SLC24A2: variants seen among roughly 807,000 people sequenced by gnomAD.
The protein encoded by SLC24A2 is sodium/potassium/calcium exchanger 2.
A neutral mutation model predicts 62.0 loss-of-function variants in SLC24A2; 36 were observed. The observed-to-expected ratio is 0.58, with a 90% confidence interval of 0.44 to 0.77. SLC24A2 has a LOEUF of 0.77. Ranked by LOEUF, SLC24A2 falls within the 30% of genes least tolerant of loss-of-function variation. SLC24A2 has a pLI of 0.00. For synonymous variants in SLC24A2, 358 were observed against 294.0 expected (o/e 1.22, Z -2.23); for missense variants, 846 against 817.9 (o/e 1.03, Z -0.42).
chr9:19,931,173 C>A, the SLC24A2 span, among the ~76,000 whole-genome samples: 3 of 152,144 alleles, frequency 2.0e-5, no homozygotes, highest in Non-Finnish European at 2.9e-5. Flanking sequence ...AGATACAAGA[C>A]CATCCTTCCA....
chr9:19,896,530 A>G, the SLC24A2 span, among the ~76,000 whole-genome samples: 1 of 152,194 alleles, frequency 6.6e-6, no homozygotes, highest in African/African-American at 2.4e-5. Flanking sequence ...TAATTATTTC[A>G]TTTAATTTTC....
At chr9:19,538,754 G>A (rs1834098157) in intron 8 of SLC24A2, among the ~76,000 whole-genome samples, 1 of 131,358 alleles carries the variant, frequency 7.6e-6, no homozygotes, top group Non-Finnish European at 1.6e-5. Flanking sequence ...TTTTTCTATT[G>A]ATTGGAATAG....
At chr9:20,097,936 G>T in the SLC24A2 span, among the ~76,000 whole-genome samples, 3 of 151,492 alleles carry the variant, frequency 2.0e-5, no homozygotes, top group Non-Finnish European at 4.4e-5. Flanking sequence ...TAGAGACGGG[G>T]TTTCACCATG....
At chr9:19,516,440 G>T (rs367662806) in intron 10 of SLC24A2, 38 bp from the exon 11 acceptor site, 2 of 1,609,990 alleles carry the variant, frequency 1.2e-6, no homozygotes, top group South Asian at 1.1e-5. Context: ...GGAGTGGGAA[G>T]ACAAGGGAGT....
At chr9:19,782,373 C>T (rs925036540) in intron 2 of SLC24A2, among the ~76,000 whole-genome samples, 1 of 152,192 alleles carries the variant, frequency 6.6e-6, no homozygotes, top group Non-Finnish European at 1.5e-5. Context: ...AAGCAAAAGT[C>T]TCTGCTTAGA....
chr9:20,079,560 G>A, the SLC24A2 span, among the ~76,000 whole-genome samples: 15 of 152,144 alleles, frequency 9.9e-5, no homozygotes, highest in Admixed American at 6.5e-4. Context: ...CCTGGAACAG[G>A]ACATTTAGTT....
Position 19,555,830 on chromosome 9 carries a change from A to G in SLC24A2, c.1348-5562T>C, listed in dbSNP as rs554701639. 2.0e-5 allele frequency among the ~76,000 whole-genome samples: 3 copies of G among 152,298 alleles called. No homozygotes were observed. In the East Asian group the frequency reaches 5.8e-4, roughly 29 times the overall value. ...TGTGATGACAGGTGCCTGTAATCCC[A>G]GCTACTCAGGAGGCTGAGGCAGGAG... On this transcript the variant is annotated intron_variant, in intron 7 of 10. Transcript: ENST00000341998.
At chr9:19,590,784 C>A (rs1194943398) in intron 5 of SLC24A2, among the ~76,000 whole-genome samples, 1 of 152,192 alleles carries the variant, frequency 6.6e-6, no homozygotes, top group Non-Finnish European at 1.5e-5. Context: ...AATAACTGCA[C>A]CACTTCCAAA....
intron 2 of SLC24A2, among the ~76,000 whole-genome samples, chr9:19,688,305 T>A (rs1484027526): frequency 1.3e-5 from 2 of 152,134 alleles, no homozygotes; most frequent in African/African-American, 4.8e-5. Flanking sequence ...AGAGCCTCAG[T>A]TTCTTTGATT....
chr9:19,711,606 G>A (rs73430088), intron 2 of SLC24A2, among the ~76,000 whole-genome samples: 1 of 152,164 alleles, frequency 6.6e-6, no homozygotes. Flanking sequence ...TAATGCCTAG[G>A]ATTTCATTTC....
At chr9:19,755,174 G>A (rs1822102617) in intron 2 of SLC24A2, among the ~76,000 whole-genome samples, 1 of 152,152 alleles carries the variant, frequency 6.6e-6, no homozygotes, top group Non-Finnish European at 1.5e-5. Context: ...TTAATCTCCA[G>A]TTTTTACATG....
chr9:19,541,297 T>G (rs1392482685), intron 8 of SLC24A2, among the ~76,000 whole-genome samples: 1 of 150,082 alleles, frequency 6.7e-6, no homozygotes, highest in Non-Finnish European at 1.5e-5. Flanking sequence ...TTTTAGAGTT[T>G]CCAGTTTTTC....
chr9:19,702,570 T>C lies in SLC24A2; in HGVS notation c.931-80271A>G, dbSNP rs1820387573. On this transcript the variant is annotated intron_variant, in intron 2 of 10. Transcript: ENST00000341998. ...CTATTAAAACTAGGGCTCCCAGAAC[T>C]GGTCTTTCAGTAGTTTACATAATAA... Among the ~76,000 whole-genome samples the C allele has an allele frequency of 2.0e-5, 3 of 152,312 alleles. No homozygotes were observed. The South Asian group carries it at 6.2e-4, about 32-fold the overall frequency.
At chr9:20,016,886 T>G in the SLC24A2 span, among the ~76,000 whole-genome samples, 1 of 152,214 alleles carries the variant, frequency 6.6e-6, no homozygotes, top group African/African-American at 2.4e-5. Flanking sequence ...GGGCTTCCAC[T>G]TGTAATTTTT....
chr9:20,175,018 TA>T, the SLC24A2 span, among the ~76,000 whole-genome samples: 1 of 21,890 alleles, frequency 4.6e-5, no homozygotes, highest in African/African-American at 2.3e-4. Context: ...CTGAATTTTT[TA>T]TATATATATA....
At chr9:20,171,059 A>G in the SLC24A2 span, among the ~76,000 whole-genome samples, 1 of 152,076 alleles carries the variant, frequency 6.6e-6, no homozygotes, top group African/African-American at 2.4e-5. Flanking sequence ...TTGGGGCCCT[A>G]TCTTCAGCCT....
intron 2 of SLC24A2, among the ~76,000 whole-genome samples, chr9:19,730,806 T>C (rs1821312186): frequency 6.6e-6 from 1 of 152,152 alleles, no homozygotes; most frequent in Non-Finnish European, 1.5e-5. Context: ...AATGACTACA[T>C]TTAAAGTCAC....
At chr9:19,653,708 C>T (rs548441400) in intron 2 of SLC24A2, among the ~76,000 whole-genome samples, 6 of 152,232 alleles carry the variant, frequency 3.9e-5, no homozygotes, top group African/African-American at 1.2e-4. Flanking sequence ...TCTTTGTATA[C>T]TTGGGCCCTG....
chr9:19,932,150 G>A, the SLC24A2 span, among the ~76,000 whole-genome samples: 5 of 152,042 alleles, frequency 3.3e-5, no homozygotes, highest in Non-Finnish European at 5.9e-5. Context: ...AAATAGTACC[G>A]AACCATAGGA....
Sources: gnomAD v4.1 joint callset for allele counts (sites outside exome capture counted in the v4.1 genomes callset) on GRCh38, gnomAD v4.1.1 for gene constraint, MANE v1.5 for transcripts, NCBI Gene and HGNC (gene_info 2026-07-23, HGNC 2026-07-21) for gene names.